The following AHDC1 variants were observed in gnomAD, a reference collection of about 807,000 sequenced individuals.
AHDC1 encodes AT-hook DNA binding motif containing 1, also known as transcription factor Gibbin.
A neutral mutation model predicts 87.9 loss-of-function variants in AHDC1; 7 were observed. The observed-to-expected ratio is 0.08, with a 90% CI of 0.05 to 0.15. The LOEUF is 0.15. Among genes scored for constraint, AHDC1 ranks in the 10% least tolerant of loss-of-function variants. The pLI is 1.00. For synonymous variants in AHDC1, 1,051 were observed against 1,006.8 expected (o/e 1.04, Z -0.83); for missense variants, 1,841 against 2,253.2 (o/e 0.82, Z 3.70).
At chr1:27,592,924 A>C (rs1002227834) in intron 3 of AHDC1, among the ~76,000 whole-genome samples, 4 of 152,090 alleles carry the variant, frequency 2.6e-5, no homozygotes, top group African/African-American at 7.2e-5. Context: ...GCAGACGAGG[A>C]GGCGCAGGCT....
Position 27,550,000 on chromosome 1 carries a change from C to A in AHDC1, c.2116G>T (p.Ala706Ser). 6.3e-7 allele frequency: 1 copy of A among 1,599,820 alleles called. No individual in the cohort carries two copies. Among genetic ancestry groups the A allele is most frequent in the Non-Finnish European group, 8.5e-7 (1 of 1,170,726 alleles). ...EGIGKKKKVV[A>S]VAAAGVGGPG... ...CCCCCGACCCCAGCGGCTGCCACGG[C>A]CACCACCTTCTTTTTCTTGCCGATG... is the stretch of plus-strand genomic sequence containing the variant. The change falls in exon 8 of 9, where the codon GCC (alanine) becomes TCC (serine). Residue 706 changes from alanine (A) to serine (S), a missense_variant. Around this residue, in one of 13 missense-constraint regions of AHDC1, gnomAD observed 236 missense variants for 257.9 expected, o/e 0.92. Transcript: ENST00000673934.
chr1:27,550,782 G>T lies in AHDC1; in HGVS notation c.1334C>A (p.Pro445Gln). 2 of 1,568,090 alleles carry T rather than the reference G, an allele frequency of 1.3e-6. No homozygotes were observed. ...PPPPALPGPG[P>Q]VSVPELKPES... is the part of the protein sequence containing the mutation. Reference sequence around the variant, plus strand: ...CGGCTTCAACTCTGGGACTGAGACCGGGCCTGGGCCTGGCAGGGCAGGGGG... The same window carrying T: ...CGGCTTCAACTCTGGGACTGAGACCTGGCCTGGGCCTGGCAGGGCAGGGGG... Residue 445 changes from proline to glutamine, a missense_variant, in exon 8 of 9, where the codon CCG (proline) becomes CAG (glutamine). Around this residue, in one of 13 missense-constraint regions of AHDC1, gnomAD observed 370 missense variants for 391.5 expected, o/e 0.95. Transcript: ENST00000673934.
At chr1:27,554,384 G>A (rs906510636) in intron 5 of AHDC1, among the ~76,000 whole-genome samples, 16 of 152,206 alleles carry the variant, frequency 1.1e-4, no homozygotes, top group African/African-American at 3.9e-4. Context: ...TGGCTGTTTA[G>A]TGTGTCCCCC....
At chr1:27,568,574 A>G (rs535733246) in intron 3 of AHDC1, among the ~76,000 whole-genome samples, 1 of 152,088 alleles carries the variant, frequency 6.6e-6, no homozygotes, top group South Asian at 2.1e-4. Context: ...GAACACCAGG[A>G]GCGGTGCCCG....
intron 3 of AHDC1, among the ~76,000 whole-genome samples, chr1:27,579,502 C>T (rs1036427392): frequency 1.3e-5 from 2 of 152,176 alleles, no homozygotes; most frequent in African/African-American, 4.8e-5. Flanking sequence ...ATATCTAGAT[C>T]CCAGCAAGAG....
chr1:27,562,315 T>C lies in AHDC1; in HGVS notation c.-628-3432A>G, dbSNP rs894361674. 3.3e-5 allele frequency among the ~76,000 whole-genome samples: 5 copies of C among 151,972 alleles called. No individual in the cohort carries two copies. The highest frequency in any genetic ancestry group is 9.7e-5 in the African/African-American group (4 of 41,350). On this transcript the variant is annotated intron_variant, in intron 3 of 8. Transcript: ENST00000673934. This position sits in a 1 kb window ranked among gnomAD's most constrained non-coding sequence, Gnocchi z 4.4. Reference sequence around the variant, plus strand: ...GCTGACTTGCGGTTCAGAAATCCAATATCCTCCCCGGTGCACTGATCGACT... The same window carrying C: ...GCTGACTTGCGGTTCAGAAATCCAACATCCTCCCCGGTGCACTGATCGACT...
chr1:27,548,480 T>C lies in AHDC1; in HGVS notation c.3636A>G (p.Ser1212=), dbSNP rs1169069115. Residue 1212 remains serine, a synonymous_variant, in exon 8 of 9, where the codon TCA becomes TCG. Transcript: ENST00000673934. ...GGTTCCAGTTGTAGCCGGGGGCAGA[T>C]GATGCCTCGTTCCAGTCCATCATCA... is the stretch of plus-strand genomic sequence containing the variant. ...EKLMMDWNEA[S]SAPGYNWNQS... The C allele has an allele frequency of 6.2e-7, 1 of 1,613,898 alleles. No individual in the cohort carries two copies. The highest frequency in any genetic ancestry group is 8.5e-7 in the Non-Finnish European group (1 of 1,180,026).
chr1:27,556,966 G>A (rs989808952), intron 5 of AHDC1, among the ~76,000 whole-genome samples: 6 of 75,986 alleles, frequency 7.9e-5, no homozygotes, highest in South Asian at 8.0e-4. Flanking sequence ...GCCCTGCCCC[G>A]CCCCCTGGGG....
Position 27,547,302 on chromosome 1 carries a change from C to T in AHDC1, c.*2G>A. 1 of 1,528,456 alleles carries T rather than the reference C, an allele frequency of 6.5e-7. No homozygotes were observed. The highest frequency in any genetic ancestry group is 1.3e-5 in the South Asian group (1 of 77,118). 94.7% of individuals were successfully genotyped at this position (1,528,456 alleles called of 1,614,324 possible). On this transcript the variant is annotated 3_prime_UTR_variant, in exon 8 of 9. Coordinates refer to ENST00000673934, the MANE Select transcript of AHDC1 (RefSeq NM_001371928.1). This position sits in a 1 kb window ranked among gnomAD's most constrained non-coding sequence, Gnocchi z 4.9. The stretch of plus-strand genomic sequence containing the variant: ...GCGGTCCAGTCGGCACTTCAGTTGG[C>T]ACTACAGGGATGTGACGGTGAATGT...
intron 3 of AHDC1, among the ~76,000 whole-genome samples, chr1:27,594,132 G>T (rs575346610): frequency 6.6e-6 from 1 of 152,316 alleles, no homozygotes; most frequent in East Asian, 1.9e-4. Flanking sequence ...TCTGTAATTA[G>T]GGGGTGGAAC....
intron 3 of AHDC1, among the ~76,000 whole-genome samples, chr1:27,594,375 G>A (rs1451058325): frequency 6.6e-6 from 1 of 152,156 alleles, no homozygotes; most frequent in African/African-American, 2.4e-5. Flanking sequence ...GAAAAAGTGT[G>A]GGCTGGGGGC....
At chr1:27,568,518 C>T (rs1176559730) in intron 3 of AHDC1, among the ~76,000 whole-genome samples, 2 of 152,176 alleles carry the variant, frequency 1.3e-5, no homozygotes, top group Non-Finnish European at 2.9e-5. Flanking sequence ...TAGGCCGGCC[C>T]TGCCTTTTCC....
At chr1:27,592,411 A>G in intron 3 of AHDC1, among the ~76,000 whole-genome samples, 1 of 152,148 alleles carries the variant, frequency 6.6e-6, no homozygotes, top group Non-Finnish European at 1.5e-5. Flanking sequence ...GAGCCGCCTG[A>G]CAGACATCTG....
chr1:27,544,002 G>A (rs1241444236), intron 8 of AHDC1, among the ~76,000 whole-genome samples: 1 of 152,054 alleles, frequency 6.6e-6, no homozygotes, highest in Admixed American at 6.5e-5. Context: ...TTTTGCAGAT[G>A]GGGAATCAGG....
Position 27,550,342 on chromosome 1 carries a change from G to C in AHDC1, c.1774C>G (p.Gln592Glu), listed in dbSNP as rs1352872311. 6.2e-7 allele frequency: 1 copy of C among 1,613,956 alleles called. No individual in the cohort carries two copies. Among genetic ancestry groups the C allele is most frequent in the Non-Finnish European group, 8.5e-7 (1 of 1,179,998 alleles). Residue 592 changes from glutamine to glutamate, a missense_variant, in exon 8 of 9, where the codon CAG becomes GAG. Physicochemically the swap from Gln to Glu is conservative, Grantham distance 29. Around this residue, in one of 13 missense-constraint regions of AHDC1, gnomAD observed 84 missense variants for 111.7 expected, o/e 0.75. Coordinates refer to ENST00000673934, the MANE Select transcript of AHDC1 (RefSeq NM_001371928.1). ...PEVKKRRRRK[Q>E]KLASPQPSYA... is the part of the protein sequence containing the mutation. ...GATGGCTGGGGAGATGCCAGCTTCT[G>C]CTTCCGCCGCCGTCGTTTTTTTACC...
At chr1:27,574,264 G>A (rs951071258) in intron 3 of AHDC1, among the ~76,000 whole-genome samples, 8 of 152,218 alleles carry the variant, frequency 5.3e-5, no homozygotes, top group Non-Finnish European at 1.2e-4. Context: ...GTGTGACAGA[G>A]ACCTTGGGAA....
rs530545976 is a variant in AHDC1 at position 27,550,765 on chromosome 1, A to C, written c.1351T>G (p.Leu451Val). The change falls in exon 8 of 9, where the codon TTG becomes GTG. Residue 451 changes from leucine (L) to valine (V), a missense_variant. Leu to Val is a conservative substitution (Grantham distance 32, BLOSUM62 1). Transcript: ENST00000673934. ...PGPGPVSVPELKPESSQTPVV... is the reference protein window; with the variant it reads ...PGPGPVSVPEVKPESSQTPVV... ...GGGGTCTGGGAAGATTCCGGCTTCA[A>C]CTCTGGGACTGAGACCGGGCCTGGG... 20 of 1,574,382 alleles carry C rather than the reference A, an allele frequency of 1.3e-5. No homozygotes were observed. The highest frequency in any genetic ancestry group is 4.1e-5 in the African/African-American group (3 of 73,956).
chr1:27,552,029 G>A lies in AHDC1; in HGVS notation c.87C>T (p.Pro29=), dbSNP rs1459958214. The change falls in exon 8 of 9, where the codon CCC becomes CCT. Residue 29 remains proline, a synonymous_variant. Coordinates refer to ENST00000673934, the MANE Select transcript of AHDC1 (RefSeq NM_001371928.1). The stretch of plus-strand genomic sequence containing the variant: ...GGGGCCGGGGGGTGGGGGGGCCGCC[G>A]GGGTAGTACTTGGGTTCCCGGAGGT... The part of the protein sequence containing the change: ...PDYLREPKYY[P]GGPPTPRPLL... The A allele has an allele frequency of 5.4e-6, 8 of 1,485,958 alleles. No individual in the cohort carries two copies. The highest frequency in any genetic ancestry group is 1.4e-5 in the African/African-American group (1 of 70,470). 92.0% of individuals were successfully genotyped at this position (1,485,958 alleles called of 1,614,324 possible).
rs983957504 is a variant in AHDC1 at position 27,561,855 on chromosome 1, C to T, written c.-628-2972G>A. Among the ~76,000 whole-genome samples, 6 of 151,786 alleles carry T rather than the reference C, an allele frequency of 4.0e-5. No individual in the cohort carries two copies. The highest frequency in any genetic ancestry group is 2.6e-4 in the Admixed American group (4 of 15,240). On this transcript the variant is annotated intron_variant, in intron 3 of 8. Transcript: ENST00000673934. The surrounding 1 kb of genome is among the most constrained non-coding windows in gnomAD (Gnocchi z 4.2). ...GCACGCACAAACACAAAAGCAGAGA[C>T]GGACTGGTGATGAGGGGCTCATGGA...
Sources: gnomAD v4.1 joint callset for allele counts (sites outside exome capture counted in the v4.1 genomes callset) on GRCh38, gnomAD v4.1.1 for gene constraint, gnomAD v4.1.1 regional missense constraint, Gnocchi (gnomAD v3.1) non-coding constraint, MANE v1.5 for transcripts, NCBI Gene and HGNC (gene_info 2026-07-23, HGNC 2026-07-21) for gene names.